UTRN: variants seen among roughly 807,000 people sequenced by gnomAD.
The protein encoded by UTRN is dystrophin-related protein 1.
Under a neutral mutation model 463.9 loss-of-function variants are expected in UTRN, and 283 were observed. The observed-to-expected ratio is 0.61, with a 90% confidence interval of 0.55 to 0.67. UTRN has a LOEUF of 0.67. Among genes scored for constraint, UTRN ranks in the 30% least tolerant of loss-of-function variants. UTRN has a pLI of 0.00. For synonymous variants in UTRN, 1,442 were observed against 1,431.5 expected, an observed-to-expected ratio of 1.01 and a Z score of -0.17; for missense variants, 3,922 against 4,084.3, an observed-to-expected ratio of 0.96 and a Z score of 1.08.
At chr6:144,825,733 C>T (rs1376572311) in intron 66 of UTRN, among the ~76,000 whole-genome samples, 1 of 152,128 alleles carries the variant, frequency 6.6e-6, no homozygotes, top group East Asian at 1.9e-4. Flanking sequence ...GAAATAATCT[C>T]TTAAGCAGTT....
Position 144,698,008 on chromosome 6 carries a change from G to A in UTRN, c.7653-2079G>A, listed in dbSNP as rs570136002. ...CACGTATAAATGTTTTGCACACGGA[G>A]ACACTCAAGTGCTTCTTGATTGAGG... is the stretch of plus-strand genomic sequence containing the variant. On this transcript the variant is annotated intron_variant, in intron 52 of 74. Coordinates refer to ENST00000367545, the MANE Select transcript of UTRN (RefSeq NM_007124.3). Among the ~76,000 whole-genome samples the A allele has an allele frequency of 4.6e-5, 7 of 152,318 alleles. No homozygotes were observed. In the East Asian group the frequency reaches 1.3e-3, roughly 29 times the overall value.
At chr6:144,628,533 T>G (rs1011069623) in intron 51 of UTRN, among the ~76,000 whole-genome samples, 1 of 152,214 alleles carries the variant, frequency 6.6e-6, no homozygotes, top group Non-Finnish European at 1.5e-5. Context: ...AAACTGTGTT[T>G]CTTTAGAACT....
At chr6:144,818,774 C>A (rs1779304584) in intron 65 of UTRN, among the ~76,000 whole-genome samples, 3 of 152,110 alleles carry the variant, frequency 2.0e-5, no homozygotes, top group South Asian at 4.1e-4. Context: ...GTTGTGATAA[C>A]CATTGCAAAA....
chr6:144,743,945 ATAT>A (rs1374223333), intron 54 of UTRN, among the ~76,000 whole-genome samples: 1 of 150,868 alleles, frequency 6.6e-6, no homozygotes, highest in African/African-American at 2.4e-5. Context: ...ATATAAAATA[ATAT>A]TCATAATACA....
At chr6:144,403,877 GGATAACA>G (rs1163036499) in intron 3 of UTRN, among the ~76,000 whole-genome samples, 1 of 152,162 alleles carries the variant, frequency 6.6e-6, no homozygotes, top group Admixed American at 6.5e-5. Context: ...AGAGTTTTCA[GGATAACA>G]GATTGTTTAG....
At chr6:144,375,903 G>T (rs967068771) in intron 2 of UTRN, among the ~76,000 whole-genome samples, 6 of 152,138 alleles carry the variant, frequency 3.9e-5, no homozygotes, top group Admixed American at 2.6e-4. Flanking sequence ...GTTCTGCCTG[G>T]CGTTTTATGG....
Position 144,438,605 on chromosome 6 carries a change from A to G in UTRN, c.1242-140A>G. ...ATAAAAGTTTACTTTCCTGGCTTCT[A>G]TATTTAAAGACTAAATGCTACCTTG... is the stretch of plus-strand genomic sequence containing the variant. On this transcript the variant is annotated intron_variant, in intron 11 of 74. Transcript: ENST00000367545. The G allele has an allele frequency of 3.8e-6, 4 of 1,059,506 alleles. No individual in the cohort carries two copies. In the Admixed American group the frequency reaches 7.1e-5, roughly 19 times the overall value. The allele number at this position is 1,059,506 out of a possible 1,614,324, so 65.6% of individuals were successfully genotyped here. A position where few individuals can be genotyped will look rare whatever the true frequency, so the allele number is the denominator to read the frequency against.
At chr6:144,416,062 T>G (rs548067972) in intron 3 of UTRN, among the ~76,000 whole-genome samples, 64 of 152,192 alleles carry the variant, frequency 4.2e-4, no homozygotes, top group African/African-American at 1.5e-3. Context: ...TATGTGTGTG[T>G]GTGTGTGTGT....
intron 54 of UTRN, among the ~76,000 whole-genome samples, chr6:144,738,993 A>G (rs1461975881): frequency 1.3e-5 from 2 of 152,172 alleles, no homozygotes; most frequent in African/African-American, 4.8e-5. Context: ...ATACAACTTT[A>G]TATAGTTGTG....
At chr6:144,378,652 A>G (rs754651701) in intron 2 of UTRN, among the ~76,000 whole-genome samples, 14 of 152,206 alleles carry the variant, frequency 9.2e-5, no homozygotes, top group South Asian at 2.1e-4. Context: ...TGCTGGAGCA[A>G]ACTGAGGAGG....
intron 69 of UTRN, among the ~76,000 whole-genome samples, chr6:144,831,749 A>G (rs556691587): frequency 1.2e-4 from 19 of 152,272 alleles, no homozygotes; most frequent in Admixed American, 6.5e-4. Flanking sequence ...CGCAAGGACA[A>G]TTCCTTGGGC....
intron 43 of UTRN, among the ~76,000 whole-genome samples, chr6:144,533,723 A>ATAAT (rs533167346): frequency 2.7e-5 from 4 of 148,706 alleles, no homozygotes; most frequent in Middle Eastern, 3.5e-3. Context: ...TCTATGTAAT[A>ATAAT]TAATATAATA....
intron 51 of UTRN, among the ~76,000 whole-genome samples, chr6:144,587,570 T>A (rs770710619): frequency 5.3e-5 from 8 of 152,162 alleles, no homozygotes; most frequent in Non-Finnish European, 1.2e-4. Context: ...TTAGAGGTAG[T>A]TAAGGTTGAG....
At chr6:144,350,817 T>C (rs1370777574) in intron 2 of UTRN, among the ~76,000 whole-genome samples, 1 of 152,210 alleles carries the variant, frequency 6.6e-6, no homozygotes, top group East Asian at 1.9e-4. Context: ...AGTTCTAAAA[T>C]GGTTAACTGC....
At chr6:144,340,060 G>A (rs80085576) in intron 2 of UTRN, among the ~76,000 whole-genome samples, 4 of 152,144 alleles carry the variant, frequency 2.6e-5, no homozygotes, top group Non-Finnish European at 5.9e-5. Context: ...CCAGCTACTC[G>A]GGAGGCTGTG....
chr6:144,678,192 T>C (rs1277916912), intron 51 of UTRN, among the ~76,000 whole-genome samples: 1 of 152,074 alleles, frequency 6.6e-6, no homozygotes, highest in Non-Finnish European at 1.5e-5. Context: ...AAAGAGCCTG[T>C]ATAGCCAAGA....
intron 54 of UTRN, among the ~76,000 whole-genome samples, chr6:144,736,405 A>G (rs955230442): frequency 6.6e-6 from 1 of 152,168 alleles, no homozygotes; most frequent in Non-Finnish European, 1.5e-5. Flanking sequence ...TTAGGTAACC[A>G]TTCTAGAAAA....
chr6:144,744,301 T>C (rs1398984028), intron 54 of UTRN, among the ~76,000 whole-genome samples: 1 of 129,946 alleles, frequency 7.7e-6, no homozygotes, highest in Admixed American at 8.1e-5. Flanking sequence ...AAAAATGGTG[T>C]ATACATATAT....
intron 3 of UTRN, among the ~76,000 whole-genome samples, chr6:144,410,796 A>ATATGTGTG (rs1554244165): frequency 7.1e-6 from 1 of 141,176 alleles, no homozygotes; most frequent in African/African-American, 2.7e-5. Flanking sequence ...TGGTGTGTAT[A>ATATGTGTG]TGTGTGTGTG....
Sources: gnomAD v4.1 joint callset for allele counts (sites outside exome capture counted in the v4.1 genomes callset) on GRCh38, gnomAD v4.1.1 for gene constraint, MANE v1.5 for transcripts, NCBI Gene and HGNC (gene_info 2026-07-23, HGNC 2026-07-21) for gene names.